The following NSUN7 variants were observed in gnomAD, a reference collection of about 807,000 sequenced individuals.
NSUN7 encodes the protein protein NSUN7.
Under a neutral mutation model 58.5 loss-of-function variants are expected in NSUN7, and 39 were observed. The observed-to-expected ratio is 0.67, with a 90% CI of 0.52 to 0.87. The LOEUF (loss-of-function observed/expected upper bound fraction) is 0.87. NSUN7 is among the 40% of genes least tolerant of loss of function. The pLI is 0.00. For missense variants in NSUN7, 765 were observed against 844.1 expected (o/e 0.91, Z 1.16); for synonymous variants, 278 against 303.7 (o/e 0.92, Z 0.88).
intron 7 of NSUN7, among the ~76,000 whole-genome samples, chr4:40,780,782 CACACATACACATATATATAT>C (rs1387979674): frequency 1.3e-4 from 9 of 69,212 alleles, no homozygotes; most frequent in South Asian, 3.1e-4. Flanking sequence ...CACACACACA[CACACATACACATATATATAT>C]ATATATATAT....
At chr4:40,786,383 G>T in intron 7 of NSUN7, 1 of 1,612,024 alleles carries the variant, frequency 6.2e-7, no homozygotes, top group South Asian at 1.1e-5. Flanking sequence ...TCATATACCA[G>T]ATGCACAGAT....
chr4:40,789,161 T>C (rs868274998), intron 7 of NSUN7, among the ~76,000 whole-genome samples: 3 of 152,186 alleles, frequency 2.0e-5, no homozygotes, highest in African/African-American at 7.2e-5. Flanking sequence ...GGAAAAAGTA[T>C]TGGTCTTCTA....
At chr4:40,764,050 T>G (rs1560547798) in intron 4 of NSUN7, among the ~76,000 whole-genome samples, 1 of 151,638 alleles carries the variant, frequency 6.6e-6, no homozygotes, top group Non-Finnish European at 1.5e-5. Flanking sequence ...TCTTCTTTGT[T>G]TTTTTTAATT....
chr4:40,807,177 C>A lies in NSUN7; in HGVS notation c.1517C>A (p.Thr506Lys). The A allele has an allele frequency of 6.5e-7, 1 of 1,542,004 alleles. No individual in the cohort carries two copies. Among genetic ancestry groups the A allele is most frequent in the Admixed American group, 2.1e-5 (1 of 48,270 alleles). Reference sequence around the variant, plus strand: ...AATGGTTGTTTTCTTTCTATTTTAACAAGGGAGGTAAGGAAAAAAAATCCT... The same window carrying A: ...AATGGTTGTTTTCTTTCTATTTTAAAAAGGGAGGTAAGGAAAAAAAATCCT... ...ITNGCFLSIL[T>K]RERDPSETVS... The change falls in exon 11 of 12, where the codon ACA (threonine) becomes AAA (lysine). Residue 506 changes from threonine to lysine, a missense_variant. By Grantham distance (78) the Thr-to-Lys change is moderately conservative (BLOSUM62 -1). Coordinates refer to ENST00000381782, the MANE Select transcript of NSUN7 (RefSeq NM_024677.6).
rs547083851 is a variant in NSUN7 at position 40,784,936 on chromosome 4, G to A, written c.1037-5666G>A. ...ACCAAGCTAACATATGTAGAACACC[G>A]TACCTAGTGACTGCACAGAACACAT... On this transcript the variant is annotated intron_variant, in intron 7 of 11. Transcript: ENST00000381782. Among the ~76,000 whole-genome samples the A allele has an allele frequency of 5.3e-5, 8 of 152,268 alleles. No individual in the cohort carries two copies. In the South Asian group the frequency reaches 6.2e-4, roughly 12 times the overall value.
rs566285391 is a variant in NSUN7, at chr4:40,761,503, T to G, written c.488+202T>G. On this transcript the variant is annotated intron_variant, in intron 4 of 11. Coordinates refer to ENST00000381782, the MANE Select transcript of NSUN7 (RefSeq NM_024677.6). ...TTGAAATCAATTTGTTTTTCAAAGC[T>G]TGAATTACAAGATCCAGTATGTAAG... Among the ~76,000 whole-genome samples, 11 of 152,328 alleles carry G rather than the reference T, an allele frequency of 7.2e-5. No homozygotes were observed. In the South Asian group the frequency reaches 2.1e-3, roughly 29 times the overall value.
intron 10 of NSUN7, among the ~76,000 whole-genome samples, 183 bp downstream of exon 10, chr4:40,799,087 T>TGTTTTG (rs1743457664): frequency 7.1e-6 from 1 of 140,414 alleles, no homozygotes; most frequent in African/African-American, 2.7e-5. Flanking sequence ...TTTTTTTTTT[T>TGTTTTG]TTTTTTTTTT....
intron 2 of NSUN7, among the ~76,000 whole-genome samples, chr4:40,757,086 G>A (rs1390594395): frequency 2.6e-5 from 4 of 152,032 alleles, no homozygotes; most frequent in Admixed American, 6.6e-5. Flanking sequence ...AAAATTAGCC[G>A]GGCATGGTGG....
intron 2 of NSUN7, among the ~76,000 whole-genome samples, chr4:40,759,699 A>G (rs903886690): frequency 1.2e-4 from 19 of 152,246 alleles, no homozygotes; most frequent in African/African-American, 3.9e-4. Context: ...AAAGAAAATT[A>G]TAGACCAACA....
chr4:40,805,769 C>T (rs937302784), intron 10 of NSUN7, among the ~76,000 whole-genome samples: 13 of 152,138 alleles, frequency 8.5e-5, no homozygotes, highest in South Asian at 2.1e-4. Context: ...CTGTCCCCTG[C>T]GCTCTCCCAG....
At chr4:40,765,934 A>G (rs1741703139) in intron 4 of NSUN7, among the ~76,000 whole-genome samples, 1 of 152,200 alleles carries the variant, frequency 6.6e-6, no homozygotes, top group South Asian at 2.1e-4. Context: ...TTGATTTTGT[A>G]TCCTGAGACT....
At position 40,774,516 on chromosome 4, in the gene NSUN7, C is replaced by T. The variant is rs1192835858; in HGVS notation, c.641+99C>T. 6.0e-6 allele frequency: 7 copies of T among 1,170,934 alleles called. No individual in the cohort carries two copies. In the African/African-American group the frequency reaches 9.3e-5, roughly 16 times the overall value. 72.5% of individuals were successfully genotyped at this position (1,170,934 alleles called of 1,614,324 possible). A position where few individuals can be genotyped will look rare whatever the true frequency, so the allele number is the denominator to read the frequency against. On this transcript the variant is annotated intron_variant, in intron 5 of 11. Coordinates refer to ENST00000381782, the MANE Select transcript of NSUN7 (RefSeq NM_024677.6). ...TTTTTAAGAGGTGGGGGTGGCACAT[C>T]TAGGGGAGTGATTAGGGAATCAGAG...
intron 2 of NSUN7, among the ~76,000 whole-genome samples, chr4:40,753,488 G>C (rs574358341): frequency 6.6e-6 from 1 of 152,020 alleles, no homozygotes; most frequent in Non-Finnish European, 1.5e-5. Flanking sequence ...GCCCAGGCTG[G>C]TCTTGAACTC....
chr4:40,774,869 T>G lies in NSUN7; in HGVS notation c.744T>G (p.Tyr248Ter), dbSNP rs1486958807. The change falls in exon 6 of 12, where the codon TAT (tyrosine) becomes TAG (stop). Residue 248 changes from tyrosine to a stop codon, truncating the protein, a stop_gained. Transcript: ENST00000381782. LOFTEE classifies it high-confidence loss of function. The stretch of plus-strand genomic sequence containing the variant: ...TCTTTGCTGTGGATCAACATTGCTA[T>G]GATGTCTTAATTTTTCCATCTCATC... ...DKVFAVDQHC[Y>*]DVLIFPSHLK... is the part of the protein sequence containing the mutation. 1 of 1,435,998 alleles carries G rather than the reference T, an allele frequency of 7.0e-7. No individual in the cohort carries two copies. Among genetic ancestry groups the G allele is most frequent in the East Asian group, 2.3e-5 (1 of 43,848 alleles). 89.0% of individuals were successfully genotyped at this position (1,435,998 alleles called of 1,614,324 possible). A position where few individuals can be genotyped will look rare whatever the true frequency, so the allele number is the denominator to read the frequency against.
At chr4:40,801,279 G>T (rs1270077170) in intron 10 of NSUN7, among the ~76,000 whole-genome samples, 1 of 152,130 alleles carries the variant, frequency 6.6e-6, no homozygotes, top group Non-Finnish European at 1.5e-5. Flanking sequence ...TATTGTGAAT[G>T]GTGAAGTGGC....
At chr4:40,761,549 AT>A (rs1275055129) in intron 4 of NSUN7, among the ~76,000 whole-genome samples, 1 of 152,220 alleles carries the variant, frequency 6.6e-6, no homozygotes, top group Non-Finnish European at 1.5e-5. Flanking sequence ...ATCATTAAAA[AT>A]TCTCAATAAT....
intron 7 of NSUN7, among the ~76,000 whole-genome samples, chr4:40,784,798 CAATTTGTCAATTTATCTTAG>C: frequency 1.3e-5 from 2 of 152,294 alleles, no homozygotes; most frequent in East Asian, 3.9e-4. Context: ...AAAAGCTAGA[CAATTTGTCAATTTATCTTAG>C]TGGGAGATTT....
At chr4:40,799,187 G>A (rs557931369) in intron 10 of NSUN7, among the ~76,000 whole-genome samples, 3 of 145,150 alleles carry the variant, frequency 2.1e-5, no homozygotes, top group African/African-American at 7.6e-5. Flanking sequence ...CCAGGTTCAA[G>A]CAATTCTCCT....
In NSUN7 at chr4:40,750,745, A is replaced by T; in HGVS notation, c.52A>T (p.Ile18Phe). 2 of 1,614,124 alleles carry T rather than the reference A, an allele frequency of 1.2e-6. No individual in the cohort carries two copies. The highest frequency in any genetic ancestry group is 1.7e-4 in the Middle Eastern group (1 of 6,060). Residue 18 changes from isoleucine to phenylalanine, a missense_variant, in exon 2 of 12, where the codon ATC (isoleucine) becomes TTC (phenylalanine). Ile to Phe is a conservative substitution (Grantham distance 21, BLOSUM62 0). Transcript: ENST00000381782. ...GTTTTCGAACGAAGAAGATCCCGAG[A>T]TCATCTCCCAACTCACTTCCCTGCC... ...LEFSNEEDPE[I>F]ISQLTSLPLS...
Sources: gnomAD v4.1 joint callset for allele counts (sites outside exome capture counted in the v4.1 genomes callset) on GRCh38, gnomAD v4.1.1 for gene constraint, MANE v1.5 for transcripts, NCBI Gene and HGNC (gene_info 2026-07-23, HGNC 2026-07-21) for gene names.